Variants in UGGT2 observed in about 807,000 individuals in gnomAD.
UGGT2 encodes the protein UDP-glucose glycoprotein glucosyltransferase 2, also known as UDP-glucose:glycoprotein glucosyltransferase 2.
In UGGT2, 180 loss-of-function variants were observed where a neutral mutation model predicts 192.1. That is an observed-to-expected ratio of 0.94 (90% CI 0.83 to 1.06). The LOEUF is 1.06. Ranked by LOEUF, UGGT2 falls within the 50% of genes least tolerant of loss-of-function variation. The pLI, the probability that UGGT2 is intolerant of heterozygous loss-of-function variation, is 0.00. For synonymous variants in UGGT2, 580 were observed against 591.0 expected (o/e 0.98, Z 0.27); for missense variants, 1,849 against 1,795.7 (o/e 1.03, Z -0.54).
chr13:95,956,011 T>C (rs1250159066), intron 12 of UGGT2, among the ~76,000 whole-genome samples: 1 of 152,184 alleles, frequency 6.6e-6, no homozygotes, highest in Non-Finnish European at 1.5e-5. Flanking sequence ...CTGAACATAG[T>C]ATCTGGCACT....
intron 1 of UGGT2, among the ~76,000 whole-genome samples, chr13:96,039,459 G>A (rs1055713348): frequency 2.6e-5 from 4 of 152,042 alleles, no homozygotes; most frequent in Non-Finnish European, 5.9e-5. Flanking sequence ...GATGGTTGAG[G>A]GGACCCATGA....
At chr13:95,803,069 C>T (rs1473273760) in intron 38 of UGGT2, among the ~76,000 whole-genome samples, 6 of 152,140 alleles carry the variant, frequency 3.9e-5, no homozygotes, top group African/African-American at 1.2e-4. Flanking sequence ...CTCCTGACCT[C>T]GTGATCCGCC....
At chr13:95,854,517 A>G (rs765256088) in intron 34 of UGGT2, 42 bp from the exon 35 acceptor site, 3 of 1,497,772 alleles carry the variant, frequency 2.0e-6, no homozygotes, top group East Asian at 2.4e-5. Flanking sequence ...ACTGTAAAAT[A>G]ACATAAGCCC....
chr13:95,845,999 C>T (rs1202841634), intron 36 of UGGT2, among the ~76,000 whole-genome samples: 16 of 152,168 alleles, frequency 1.1e-4, no homozygotes, highest in Admixed American at 5.9e-4. Context: ...CAGGCAGAGA[C>T]GCTCCTCACT....
At chr13:95,879,041 T>C (rs1046534964) in intron 27 of UGGT2, among the ~76,000 whole-genome samples, 12 of 152,190 alleles carry the variant, frequency 7.9e-5, no homozygotes, top group Admixed American at 6.5e-5. Context: ...TTTCATGGGA[T>C]AGTCTCAGAA....
chr13:95,913,009 T>C (rs997744271), intron 20 of UGGT2, among the ~76,000 whole-genome samples: 3 of 152,158 alleles, frequency 2.0e-5, no homozygotes, highest in African/African-American at 7.2e-5. Flanking sequence ...ATTTAATAAA[T>C]GGTGCTGGGA....
chr13:95,983,392 C>A (rs903648137), intron 10 of UGGT2: 4 of 279,186 alleles, frequency 1.4e-5, no homozygotes, highest in Non-Finnish European at 2.1e-5. Context: ...ATTTAAGATA[C>A]CATTTGGCAG....
At position 95,970,219 on chromosome 13, in the gene UGGT2, G is replaced by A. The variant is rs374140865; in HGVS notation, c.1228C>T (p.Leu410Phe). Residue 410 changes from leucine (L) to phenylalanine (F), a missense_variant, in exon 12 of 39, where the codon CTT (leucine) becomes TTT (phenylalanine). Coordinates refer to ENST00000376747, the MANE Select transcript of UGGT2 (RefSeq NM_020121.4). Reference sequence around the variant, plus strand: ...TCCCCATTGATCCCAAGATTGCGAAGGCCATTCATCATTTTTCCTTCTAAT... The same window carrying A: ...TCCCCATTGATCCCAAGATTGCGAAAGCCATTCATCATTTTTCCTTCTAAT... ...LKLEGKMMNG[L>F]RNLGINGEDM... 2 of 1,612,962 alleles carry A rather than the reference G, an allele frequency of 1.2e-6. No homozygotes were observed. Among genetic ancestry groups the A allele is most frequent in the African/African-American group, 1.3e-5 (1 of 74,956 alleles).
Position 95,833,054 on chromosome 13 carries a change from C to T in UGGT2, c.4402-1G>A. On this transcript the variant is annotated splice_acceptor_variant, in intron 37 of 38. Coordinates refer to ENST00000376747, the MANE Select transcript of UGGT2 (RefSeq NM_020121.4). LOFTEE classifies it high-confidence loss of function. ...ATTCTTTTGTTTTGGGATTATTGCA[C>T]TAAAAGTTTAAGTAAATTTTGTTAA... The T allele has an allele frequency of 6.2e-7, 1 of 1,611,030 alleles. No homozygotes were observed. The highest frequency in any genetic ancestry group is 1.7e-5 in the Admixed American group (1 of 59,744).
chr13:95,925,389 G>T, intron 20 of UGGT2, among the ~76,000 whole-genome samples: 1 of 152,130 alleles, frequency 6.6e-6, no homozygotes, highest in Non-Finnish European at 1.5e-5. Flanking sequence ...TGGTGGTAGG[G>T]TCTAGAGTTA....
At chr13:96,038,124 T>C (rs984049666) in intron 1 of UGGT2, among the ~76,000 whole-genome samples, 4 of 152,238 alleles carry the variant, frequency 2.6e-5, no homozygotes, top group Non-Finnish European at 5.9e-5. Context: ...CAAACTAGTT[T>C]CCACAAGTAA....
At position 95,851,048 on chromosome 13, in the gene UGGT2, T is replaced by C. The variant is rs1285001561; in HGVS notation, c.4284+2495A>G. Among the ~76,000 whole-genome samples, 3 of 152,234 alleles carry C rather than the reference T, an allele frequency of 2.0e-5. No homozygotes were observed. In the East Asian group the frequency reaches 5.8e-4, roughly 29 times the overall value. ...CTGTGGGGTCAGTCAACTGAGGTCTTAATTGAATTTGTAAAGTTTCCCCAA... is the reference window on the plus strand; with the variant it reads ...CTGTGGGGTCAGTCAACTGAGGTCTCAATTGAATTTGTAAAGTTTCCCCAA... On this transcript the variant is annotated intron_variant, in intron 36 of 38. Transcript: ENST00000376747.
chr13:95,960,483 C>T (rs1189089230), intron 12 of UGGT2, among the ~76,000 whole-genome samples: 4 of 152,040 alleles, frequency 2.6e-5, no homozygotes, highest in African/African-American at 9.7e-5. Flanking sequence ...TAAGACAAGA[C>T]TTTTGAAATA....
chr13:95,836,130 C>A (rs1367245834), intron 37 of UGGT2, among the ~76,000 whole-genome samples: 2 of 152,148 alleles, frequency 1.3e-5, no homozygotes, highest in Non-Finnish European at 2.9e-5. Context: ...CTCTCTGCAA[C>A]CTCTGCCTCC....
At chr13:95,994,711 A>C (rs927572167) in intron 7 of UGGT2, among the ~76,000 whole-genome samples, 2 of 152,032 alleles carry the variant, frequency 1.3e-5, no homozygotes, top group Admixed American at 1.3e-4. Flanking sequence ...GTTAGAATAA[A>C]GAAAAGTACT....
chr13:95,898,054 A>G (rs1440889176), intron 22 of UGGT2, among the ~76,000 whole-genome samples: 1 of 152,084 alleles, frequency 6.6e-6, no homozygotes, highest in African/African-American at 2.4e-5. Context: ...TCCCTGGACA[A>G]TTCCTGTCCA....
chr13:95,956,746 C>G (rs1444683037), intron 12 of UGGT2, among the ~76,000 whole-genome samples: 1 of 152,192 alleles, frequency 6.6e-6, no homozygotes, highest in Non-Finnish European at 1.5e-5. Flanking sequence ...AATGATGTAA[C>G]AGCTGTGAAA....
At chr13:95,995,892 T>C in intron 7 of UGGT2, 171 bp downstream of exon 7, 1 of 599,944 alleles carries the variant, frequency 1.7e-6, no homozygotes, top group Non-Finnish European at 2.9e-6. Context: ...CTGTAGCTTT[T>C]TGACATTAGC....
At chr13:95,819,946 C>G (rs1018201451) in intron 38 of UGGT2, among the ~76,000 whole-genome samples, 3 of 152,024 alleles carry the variant, frequency 2.0e-5, no homozygotes, top group Admixed American at 6.6e-5. Context: ...TCACTTGAGG[C>G]CAGGAGTTTA....
Sources: gnomAD v4.1 joint callset for allele counts (sites outside exome capture counted in the v4.1 genomes callset) on GRCh38, gnomAD v4.1.1 for gene constraint, MANE v1.5 for transcripts, NCBI Gene and HGNC (gene_info 2026-07-23, HGNC 2026-07-21) for gene names.